ATL2: variants seen among roughly 807,000 people sequenced by gnomAD.
ATL2 encodes atlastin-2.
Under a neutral mutation model 73.9 loss-of-function variants are expected in ATL2, and 31 were observed. That is an observed-to-expected ratio of 0.42 (90% CI 0.32 to 0.57). ATL2 has a LOEUF of 0.57. ATL2 is among the 20% of genes least tolerant of loss of function. ATL2 has a pLI of 0.14. For missense variants in ATL2, 738 were observed against 702.6 expected (o/e 1.05, Z -0.57); for synonymous variants, 291 against 237.5 (o/e 1.23, Z -2.07).
At chr2:38,301,094 C>T (rs1667165893) in intron 9 of ATL2, among the ~76,000 whole-genome samples, 1 of 152,064 alleles carries the variant, frequency 6.6e-6, no homozygotes, top group Admixed American at 6.5e-5. Flanking sequence ...CCTCAGCCTC[C>T]CGAGTAGCTG....
At position 38,343,418 on chromosome 2, in the gene ATL2, A is replaced by C; in HGVS notation, c.213T>G (p.His71Gln). 6.2e-7 allele frequency: 1 copy of C among 1,613,348 alleles called. No homozygotes were observed. Among genetic ancestry groups the C allele is most frequent in the Non-Finnish European group, 8.5e-7 (1 of 1,179,870 alleles). The change falls in exon 2 of 13, where the codon CAT becomes CAG. Residue 71 changes from histidine to glutamine, a missense_variant. Transcript: ENST00000378954. ...VQIVLAHEDD[H>Q]NFELDEEALE... ...AAGCTTCTTCATCAAGTTCAAAGTT[A>C]TGGTCATCTTCATGAGCAAGAACAA...
intron 2 of ATL2, among the ~76,000 whole-genome samples, chr2:38,332,285 T>C (rs1329166642): frequency 6.6e-6 from 1 of 152,178 alleles, no homozygotes; most frequent in Non-Finnish European, 1.5e-5. Flanking sequence ...GGGCTCACTG[T>C]AACCTCAACC....
chr2:38,343,989 CT>C (rs1669878626), intron 1 of ATL2, among the ~76,000 whole-genome samples: 1 of 152,148 alleles, frequency 6.6e-6, no homozygotes, highest in Non-Finnish European at 1.5e-5. Flanking sequence ...CATTAAACCT[CT>C]TTCTTTTGTA....
rs138606414 is a variant in ATL2 at position 38,338,534 on chromosome 2, T to C, written c.363+4734A>G. Among the ~76,000 whole-genome samples the C allele has an allele frequency of 4.2e-3, 511 of 121,144 alleles. 3 individuals are homozygous for C. Among genetic ancestry groups the C allele is most frequent in the African/African-American group, 0.023 (466 of 20,286 alleles). The allele number at this position is 121,144 out of a possible 152,430, so 79.5% of individuals were successfully genotyped here. On this transcript the variant is annotated intron_variant, in intron 2 of 12. Coordinates refer to ENST00000378954, the MANE Select transcript of ATL2 (RefSeq NM_001135673.4). ...AATGAGCCCACACTGATATAAAGGA[T>C]GGAATGAATAAATAAATAAATAGGG...
At chr2:38,362,716 G>T (rs1172384746) in intron 1 of ATL2, among the ~76,000 whole-genome samples, 1 of 152,114 alleles carries the variant, frequency 6.6e-6, no homozygotes, top group Non-Finnish European at 1.5e-5. Flanking sequence ...ACAAAATTAA[G>T]AACAACAACA....
At chr2:38,350,574 C>A (rs1670280964) in intron 1 of ATL2, among the ~76,000 whole-genome samples, 2 of 152,056 alleles carry the variant, frequency 1.3e-5, no homozygotes, top group African/African-American at 4.8e-5. Flanking sequence ...TATACAACCC[C>A]AAGAGTGAAC....
intron 9 of ATL2, among the ~76,000 whole-genome samples, chr2:38,303,883 G>A (rs1257069885): frequency 6.6e-6 from 1 of 152,172 alleles, no homozygotes; most frequent in Non-Finnish European, 1.5e-5. Flanking sequence ...TGTAATCCCA[G>A]CACTTTGGGA....
At chr2:38,377,352 C>G (rs1303958645), upstream of ATL2, 5 of 1,114,356 alleles carry the variant, frequency 4.5e-6, no homozygotes, top group South Asian at 7.9e-5. Context: ...GCCGGCGGGT[C>G]CTAGCGCCGC....
intron 1 of ATL2, among the ~76,000 whole-genome samples, chr2:38,365,908 T>C (rs1450212102): frequency 4.6e-5 from 7 of 151,886 alleles, no homozygotes; most frequent in South Asian, 2.1e-4. Flanking sequence ...GATCGCGCCA[T>C]TGCACTCCAG....
At chr2:38,325,126 T>TTTAGAGTCTTTA (rs1668524468) in intron 2 of ATL2, among the ~76,000 whole-genome samples, 1 of 152,260 alleles carries the variant, frequency 6.6e-6, no homozygotes, top group Non-Finnish European at 1.5e-5. Flanking sequence ...GTAATTAAAC[T>TTTAGAGTCTTTA]GAGATTTGAC....
At chr2:38,345,393 A>C (rs1440682600) in intron 1 of ATL2, among the ~76,000 whole-genome samples, 2 of 152,224 alleles carry the variant, frequency 1.3e-5, no homozygotes, top group Non-Finnish European at 2.9e-5. Flanking sequence ...TTACCAAAAG[A>C]AGCATCTCAC....
At chr2:38,342,302 G>C (rs565749147) in intron 2 of ATL2, among the ~76,000 whole-genome samples, 15 of 152,038 alleles carry the variant, frequency 9.9e-5, no homozygotes, top group Non-Finnish European at 1.6e-4. Flanking sequence ...GCCCACCCAT[G>C]ACAGAGATTA....
At chr2:38,370,116 C>T (rs907348910) in intron 1 of ATL2, among the ~76,000 whole-genome samples, 49 of 138,086 alleles carry the variant, frequency 3.5e-4, no homozygotes, top group African/African-American at 1.3e-3. Context: ...GATCCCGCCA[C>T]TGCACTCCAA....
rs1156850342 is a variant in ATL2 at position 38,329,192 on chromosome 2, C to T, written c.364-10173G>A. 8.7e-5 allele frequency among the ~76,000 whole-genome samples: 13 copies of T among 149,524 alleles called. No individual in the cohort carries two copies. In the South Asian group the frequency reaches 2.1e-3, roughly 24 times the overall value. On this transcript the variant is annotated intron_variant, in intron 2 of 12. Coordinates refer to ENST00000378954, the MANE Select transcript of ATL2 (RefSeq NM_001135673.4). ...CTGTAATCCCAACACTTTGGGAGGC[C>T]GAGATGGGCAGATCACCTGAGGTCA...
chr2:38,339,802 T>C (rs1047165031), intron 2 of ATL2, among the ~76,000 whole-genome samples: 3 of 152,174 alleles, frequency 2.0e-5, no homozygotes, highest in Non-Finnish European at 4.4e-5. Flanking sequence ...GTGATTCCTC[T>C]GCCTCAGCCT....
intron 9 of ATL2, 66 bp downstream of exon 9, chr2:38,309,313 C>T: frequency 7.0e-7 from 1 of 1,436,622 alleles, no homozygotes; most frequent in Non-Finnish European, 9.3e-7. Flanking sequence ...ATTTCTTATA[C>T]ATACAGATGA....
At chr2:38,364,327 G>C (rs904778530) in intron 1 of ATL2, among the ~76,000 whole-genome samples, 4 of 152,098 alleles carry the variant, frequency 2.6e-5, no homozygotes, top group African/African-American at 9.7e-5. Context: ...TCAACCCTGA[G>C]GAATACCACT....
chr2:38,348,204 C>T (rs1421212800), intron 1 of ATL2, among the ~76,000 whole-genome samples: 14 of 152,014 alleles, frequency 9.2e-5, no homozygotes, highest in African/African-American at 2.9e-4. Context: ...CGGTGGCTCA[C>T]GCCTGTAATC....
At chr2:38,356,027 T>G (rs531749948) in intron 1 of ATL2, among the ~76,000 whole-genome samples, 1 of 151,318 alleles carries the variant, frequency 6.6e-6, no homozygotes, top group Non-Finnish European at 1.5e-5. Flanking sequence ...CTCTAAGTAA[T>G]CAATATAATA....
Sources: allele counts gnomAD v4.1 joint callset (sites outside exome capture counted in the v4.1 genomes callset), GRCh38; gene constraint gnomAD v4.1.1; transcripts MANE v1.5; gene names NCBI Gene and HGNC (gene_info 2026-07-23, HGNC 2026-07-21).